The following SEMA4G variants were observed in gnomAD, a reference collection of about 807,000 sequenced individuals.
SEMA4G encodes semaphorin-4G.
SEMA4G carries 59 observed loss-of-function variants against 81.2 expected under a neutral mutation model. The ratio of observed to expected loss-of-function variants is 0.73; its 90% confidence interval spans 0.59 to 0.90. SEMA4G has a LOEUF of 0.90. Among genes scored for constraint, SEMA4G ranks in the 40% least tolerant of loss-of-function variants. The probability of loss-of-function intolerance (pLI) is 0.00; values close to 1 mark genes in which losing one functional copy is unlikely to be tolerated. For missense variants in SEMA4G, 952 were observed against 1,102.3 expected (o/e 0.86, Z 1.93); for synonymous variants, 404 against 433.9 (o/e 0.93, Z 0.86).
In SEMA4G at chr10:100,981,300, G is replaced by A. The variant is rs539883629; in HGVS notation, c.1690+71G>A. The A allele has an allele frequency of 4.1e-4, 651 of 1,593,672 alleles. 4 individuals are homozygous for A. Among genetic ancestry groups the A allele is most frequent in the South Asian group, 1.2e-3 (107 of 90,568 alleles). ...CTTTGCCATTTACTGCCATGTGTAC[G>A]TATATGTTTGTATCTGAGTGGCTGT... On this transcript the variant is annotated intron_variant, in intron 13 of 13. Transcript: ENST00000370250.
At chr10:100,980,073 A>G in intron 9 of SEMA4G, 49 bp from the exon 11 acceptor site, 1 of 1,613,268 alleles carries the variant, frequency 6.2e-7, no homozygotes, top group Non-Finnish European at 8.5e-7. Context: ...TGGAGAGGGC[A>G]GGCAGGTGGT....
exon 14 of SEMA4G, chr10:100,984,501 C>T (rs1851322719): frequency 1.3e-6 from 2 of 1,534,946 alleles, no homozygotes; most frequent in Non-Finnish European, 1.7e-6. Flanking sequence ...CAGGGCTCTG[C>T]AGGTCCATAT....
In SEMA4G at chr10:100,978,868, C is replaced by T. The variant is rs562278554; in HGVS notation, c.663C>T (p.Ser221=). 1.1e-5 allele frequency: 17 copies of T among 1,614,030 alleles called. No homozygotes were observed. In the East Asian group the frequency reaches 2.0e-4, roughly 19 times the overall value. The stretch of plus-strand genomic sequence containing the variant: ...CCACAGATGCGGAGTTTGTGTTCTC[C>T]GTCCTCGTGCGGGAGAGCAAGGCCA... Residue 221 remains serine, a synonymous_variant, in exon 7 of 14, where the codon TCC becomes TCT. Transcript: ENST00000370250.
chr10:100,980,850 G>A, exon 12 of SEMA4G: 2 of 1,595,074 alleles, frequency 1.3e-6, no homozygotes, highest in South Asian at 1.1e-5. Flanking sequence ...GCTCCTAGCG[G>A]AGTCATCCAG....
rs751241762 is a variant in SEMA4G at position 100,978,563 on chromosome 10, G to A, written c.566G>A (p.Arg189Gln). The A allele has an allele frequency of 2.1e-5, 34 of 1,613,974 alleles. No homozygotes were observed. The Admixed American group carries it at 2.7e-4, about 13-fold the overall frequency. ...TACACAGCCACTAGGTATGAATTCC[G>A]GAGCATTCCTGACATCCGCCGGAGC... Residue 189 changes from arginine (R) to glutamine (Q), a missense_variant, in exon 6 of 14, where the codon CGG becomes CAG. This residue lies in a region of SEMA4G where 436 missense variants were observed against 488.2 expected (regional missense o/e 0.89). Coordinates refer to ENST00000370250, the Ensembl canonical transcript of SEMA4G.
chr10:100,975,055 A>G (rs1443333453), intron 3 of SEMA4G: 1 of 534,168 alleles, frequency 1.9e-6, no homozygotes, highest in East Asian at 5.4e-5. Flanking sequence ...GCTTCCATCA[A>G]AGGCTGCCTC....
chr10:100,984,025 A>G (rs777592361), exon 14 of SEMA4G: 2 of 1,613,608 alleles, frequency 1.2e-6, no homozygotes, highest in East Asian at 2.2e-5. Context: ...CAGAGCAACA[A>G]TGGAGTACCA....
At chr10:100,978,142 CA>C in intron 4 of SEMA4G, 152 bp from the exon 6 acceptor site, 1 of 616,744 alleles carries the variant, frequency 1.6e-6, no homozygotes, top group East Asian at 2.8e-5. Flanking sequence ...AGGTCATTCT[CA>C]GGGGATGCTT....
At chr10:100,976,538 G>A (rs1850794494) in intron 3 of SEMA4G, among the ~76,000 whole-genome samples, 2 of 152,166 alleles carry the variant, frequency 1.3e-5, no homozygotes, top group African/African-American at 4.8e-5. Context: ...TGTCCAGGCT[G>A]GTCTTGGACT....
upstream of SEMA4G, among the ~76,000 whole-genome samples, chr10:100,972,072 C>T (rs574428461): frequency 6.6e-6 from 1 of 152,026 alleles, no homozygotes; most frequent in South Asian, 2.1e-4. Flanking sequence ...GCTCTCAGGC[C>T]AGGGAAAAGA....
chr10:100,979,942 C>G (rs988692457), exon 9 of SEMA4G: 3 of 1,614,060 alleles, frequency 1.9e-6, no homozygotes, highest in Non-Finnish European at 2.5e-6. Context: ...GGATGGTTCC[C>G]GGCGCTGGGG....
chr10:100,970,545 CCA>C (rs35324166), upstream of SEMA4G, among the ~76,000 whole-genome samples: 86 of 149,234 alleles, frequency 5.8e-4, no homozygotes, highest in African/African-American at 1.4e-3. Flanking sequence ...TCCCCCATCA[CCA>C]CACACACACA....
At chr10:100,979,786 C>A in intron 8 of SEMA4G, 62 bp from the exon 10 acceptor site, 1 of 1,591,514 alleles carries the variant, frequency 6.3e-7, no homozygotes, top group Non-Finnish European at 8.5e-7. Context: ...AGGCTGAGCA[C>A]GAGTTGGGGG....
chr10:100,983,921 G>A (rs1364699879), exon 14 of SEMA4G: 18 of 147,658 alleles, frequency 1.2e-4, no homozygotes, highest in Admixed American at 3.0e-4. Context: ...CACCCCCACC[G>A]CCCCCACCGC....
chr10:100,971,623 G>A (rs1850634192), upstream of SEMA4G, among the ~76,000 whole-genome samples: 1 of 152,188 alleles, frequency 6.6e-6, no homozygotes, highest in Admixed American at 6.5e-5. Context: ...TGGCTGATGA[G>A]ATGGAATGTA....
chr10:100,983,774 A>G (rs778047878), exon 14 of SEMA4G: 3 of 1,609,744 alleles, frequency 1.9e-6, no homozygotes, highest in South Asian at 1.1e-5. Context: ...CCAGCCGGGC[A>G]GGAGGATCTG....
rs760522820 is a variant in SEMA4G at position 100,973,517 on chromosome 10, G to C, written c.274-30G>C. On this transcript the variant is annotated intron_variant, in intron 2 of 13. Transcript: ENST00000370250. The surrounding 1 kb of genome is among the most constrained non-coding windows in gnomAD (Gnocchi z 5.5). ...ATGAGTAATAGGTATTGGGGTCAGT[G>C]CATCAGCCTATTCCCTTTGCCTCCA... 3 of 1,607,448 alleles carry C rather than the reference G, an allele frequency of 1.9e-6. No individual in the cohort carries two copies. The South Asian group carries it at 3.3e-5, about 18-fold the overall frequency.
At chr10:100,971,295 G>A (rs1301886271), upstream of SEMA4G, among the ~76,000 whole-genome samples, 2 of 152,204 alleles carry the variant, frequency 1.3e-5, no homozygotes, top group African/African-American at 4.8e-5. Flanking sequence ...GAGCAAATAG[G>A]AGGTCCCAAA....
At chr10:100,983,462 G>A in exon 14 of SEMA4G, 2 of 1,614,168 alleles carry the variant, frequency 1.2e-6, no homozygotes, top group Non-Finnish European at 1.7e-6. Context: ...GCGTGGACGG[G>A]CTGCTGGTTA....
Sources: allele counts gnomAD v4.1 joint callset (sites outside exome capture counted in the v4.1 genomes callset), GRCh38; gene constraint gnomAD v4.1.1; regional missense constraint gnomAD v4.1.1; non-coding constraint Gnocchi (gnomAD v3.1); transcripts MANE v1.5; gene names NCBI Gene and HGNC (gene_info 2026-07-23, HGNC 2026-07-21).